The following UNC13C variants were observed in gnomAD, a reference collection of about 807,000 sequenced individuals.
UNC13C encodes the protein unc-13 homolog C.
UNC13C carries 174 observed loss-of-function variants against 245.4 expected under a neutral mutation model. That is an observed-to-expected ratio of 0.71 (90% CI 0.63 to 0.80). The LOEUF is 0.80. Ranked by LOEUF, UNC13C falls within the 30% of genes least tolerant of loss-of-function variation. The probability of loss-of-function intolerance (pLI) is 0.00; values close to 1 mark genes in which losing one functional copy is unlikely to be tolerated. For synonymous variants in UNC13C, 992 were observed against 895.1 expected, an observed-to-expected ratio of 1.11 and a Z score of -1.93; for missense variants, 2,829 against 2,602.9, an observed-to-expected ratio of 1.09 and a Z score of -1.89.
chr15:54,217,861 C>CTT (rs1189516869), intron 4 of UNC13C, among the ~76,000 whole-genome samples: 2 of 151,836 alleles, frequency 1.3e-5, no homozygotes, highest in Non-Finnish European at 2.9e-5. Flanking sequence ...GGTCCGTAGG[C>CTT]TTCCATCTTG....
chr15:53,891,864 A>G, the UNC13C span, among the ~76,000 whole-genome samples: 1 of 152,228 alleles, frequency 6.6e-6, no homozygotes, highest in Non-Finnish European at 1.5e-5. Flanking sequence ...ATTAACATTT[A>G]AAGTTAATAT....
At chr15:54,264,107 C>G in intron 8 of UNC13C, 61 bp from the exon 9 acceptor site, 1 of 1,497,594 alleles carries the variant, frequency 6.7e-7, no homozygotes, top group South Asian at 1.2e-5. Flanking sequence ...TTCCTCCCTC[C>G]TTTAGCCATC....
chr15:54,503,299 T>G (rs548148679), intron 22 of UNC13C, among the ~76,000 whole-genome samples: 41 of 152,278 alleles, frequency 2.7e-4, no homozygotes, highest in African/African-American at 9.6e-4. Context: ...TTTAAAAATC[T>G]CTTGCCAGCA....
At chr15:54,224,360 A>C (rs1567112987) in intron 4 of UNC13C, among the ~76,000 whole-genome samples, 1 of 152,126 alleles carries the variant, frequency 6.6e-6, no homozygotes, top group East Asian at 1.9e-4. Flanking sequence ...AATGTCATCA[A>C]ATGCTTTTTC....
chr15:54,337,166 A>C (rs1027350509), intron 16 of UNC13C, among the ~76,000 whole-genome samples: 5 of 152,000 alleles, frequency 3.3e-5, no homozygotes, highest in African/African-American at 1.2e-4. Context: ...GGTGGGGGGT[A>C]CTCTCTACTG....
intron 1 of UNC13C, among the ~76,000 whole-genome samples, chr15:54,006,629 T>A (rs573386925): frequency 6.6e-6 from 1 of 152,208 alleles, no homozygotes; most frequent in Non-Finnish European, 1.5e-5. Context: ...AAAGGATATA[T>A]AAAACAGGTA....
intron 30 of UNC13C, among the ~76,000 whole-genome samples, chr15:54,592,207 G>T (rs1406625595): frequency 6.6e-6 from 1 of 152,084 alleles, no homozygotes; most frequent in Non-Finnish European, 1.5e-5. Context: ...CTCATTTTAT[G>T]GCCTATCATA....
the UNC13C span, among the ~76,000 whole-genome samples, chr15:53,851,421 T>G: frequency 6.6e-6 from 1 of 152,188 alleles, no homozygotes; most frequent in Non-Finnish European, 1.5e-5. Flanking sequence ...TAGCCCCTTA[T>G]GCAGTTTTTA....
At chr15:54,237,549 C>T in intron 6 of UNC13C, 70 bp from the exon 7 acceptor site, 1 of 1,177,128 alleles carries the variant, frequency 8.5e-7, no homozygotes, top group Non-Finnish European at 1.2e-6. Flanking sequence ...TGCATTTTCA[C>T]CTTCTGCTGA....
At position 54,567,797 on chromosome 15, in the gene UNC13C, T is replaced by C. The variant is rs748967189; in HGVS notation, c.5959-3T>C. The C allele has an allele frequency of 4.4e-5, 69 of 1,584,926 alleles. No homozygotes were observed. Among genetic ancestry groups the C allele is most frequent in the Non-Finnish European group, 5.2e-5 (61 of 1,165,784 alleles). Reference sequence around the variant, plus strand: ...GCCTCGGCTTATTTTTTTTTCTTTGTAGCAATACTTTCATGCAGGAGGAAA... The same window carrying C: ...GCCTCGGCTTATTTTTTTTTCTTTGCAGCAATACTTTCATGCAGGAGGAAA... On this transcript the variant is annotated splice_region_variant and splice_polypyrimidine_tract_variant and intron_variant, in intron 29 of 32. Coordinates refer to ENST00000260323, the MANE Select transcript of UNC13C (RefSeq NM_001080534.3).
chr15:54,363,171 C>T (rs933668770), intron 17 of UNC13C, among the ~76,000 whole-genome samples: 6 of 152,328 alleles, frequency 3.9e-5, no homozygotes, highest in African/African-American at 9.6e-5. Context: ...TGCAATGGCA[C>T]GATCTCGGCT....
intron 19 of UNC13C, among the ~76,000 whole-genome samples, chr15:54,428,040 C>T (rs1187798250): frequency 6.6e-6 from 1 of 151,772 alleles, no homozygotes. Flanking sequence ...TGTTTTGTTT[C>T]AGCCTAGATG....
At chr15:54,446,349 T>C (rs143576309) in intron 19 of UNC13C, among the ~76,000 whole-genome samples, 16 of 152,266 alleles carry the variant, frequency 1.1e-4, no homozygotes, top group African/African-American at 3.1e-4. Context: ...TGGTACCTTG[T>C]TGGGGATGGC....
chr15:54,174,785 G>A (rs1052810264), intron 4 of UNC13C, among the ~76,000 whole-genome samples: 2 of 152,004 alleles, frequency 1.3e-5, no homozygotes, highest in African/African-American at 2.4e-5. Flanking sequence ...AAAAGCCCTC[G>A]TTTCCTTTTC....
intron 13 of UNC13C, among the ~76,000 whole-genome samples, chr15:54,301,660 T>C (rs12439757): frequency 0.15 from 22,843 of 152,210 alleles, 1,880 homozygotes; most frequent in East Asian, 0.18. Flanking sequence ...GGTGCATATG[T>C]GCCACATTTT....
chr15:54,407,718 A>G (rs1159004110), intron 18 of UNC13C, among the ~76,000 whole-genome samples: 1 of 152,152 alleles, frequency 6.6e-6, no homozygotes, highest in Non-Finnish European at 1.5e-5. Context: ...TTTTCGGTAT[A>G]GAAGCAGATC....
intron 4 of UNC13C, among the ~76,000 whole-genome samples, chr15:54,196,891 T>C (rs562437603): frequency 2.8e-4 from 42 of 152,246 alleles, no homozygotes; most frequent in Admixed American, 1.3e-3. Flanking sequence ...CTGAAATATT[T>C]ACTTTAATTC....
intron 30 of UNC13C, among the ~76,000 whole-genome samples, chr15:54,579,307 T>G (rs2553226): frequency 0.1 from 15,316 of 152,150 alleles, 1,187 homozygotes; most frequent in African/African-American, 0.21. Context: ...ATATTTATTT[T>G]TGAATTATAA....
At chr15:54,588,339 C>T (rs993512564) in intron 30 of UNC13C, among the ~76,000 whole-genome samples, 2 of 152,174 alleles carry the variant, frequency 1.3e-5, no homozygotes, top group Non-Finnish European at 2.9e-5. Flanking sequence ...CCACTTACTA[C>T]GTGTAACATT....
Sources: allele counts gnomAD v4.1 joint callset (sites outside exome capture counted in the v4.1 genomes callset), GRCh38; gene constraint gnomAD v4.1.1; transcripts MANE v1.5; gene names NCBI Gene and HGNC (gene_info 2026-07-23, HGNC 2026-07-21).